The following TMEM131L variants were observed in gnomAD, a reference collection of about 807,000 sequenced individuals.
TMEM131L encodes transmembrane 131 like, also known as transmembrane protein 131-like.
A neutral mutation model predicts 192.2 loss-of-function variants in TMEM131L; 54 were observed. That is an observed-to-expected ratio of 0.28 (90% CI 0.23 to 0.35). TMEM131L has a LOEUF of 0.35. TMEM131L is among the 10% of genes least tolerant of loss of function. TMEM131L has a pLI of 1.00. For synonymous variants in TMEM131L, 701 were observed against 704.9 expected, an observed-to-expected ratio of 0.99 and a Z score of 0.09; for missense variants, 1,888 against 1,972.9, an observed-to-expected ratio of 0.96 and a Z score of 0.82.
At chr4:153,568,606 C>T (rs1729381741) in intron 7 of TMEM131L, among the ~76,000 whole-genome samples, 1 of 152,144 alleles carries the variant, frequency 6.6e-6, no homozygotes, top group Non-Finnish European at 1.5e-5. Flanking sequence ...TATTACCTGG[C>T]AATATAACAT....
intron 2 of TMEM131L, among the ~76,000 whole-genome samples, chr4:153,473,197 C>T (rs1019334537): frequency 1.3e-5 from 2 of 152,148 alleles, no homozygotes; most frequent in Non-Finnish European, 1.5e-5. Context: ...GGTTCTTGAG[C>T]AGGGACTGAA....
chr4:153,531,704 A>G (rs1205177278), intron 3 of TMEM131L, among the ~76,000 whole-genome samples: 1 of 152,226 alleles, frequency 6.6e-6, no homozygotes, highest in African/African-American at 2.4e-5. Flanking sequence ...GTTAAAGGAA[A>G]AAGACAATGG....
In TMEM131L at chr4:153,578,520, T is replaced by A. The variant is rs1730113451; in HGVS notation, c.661-2306T>A. ...ACAGGTGTGCGCCACTATGCCCAGC[T>A]AGTTTTTTTTTTTTTTTTTTGACGG... On this transcript the variant is annotated intron_variant, in intron 7 of 34. Coordinates refer to ENST00000409959, the MANE Select transcript of TMEM131L (RefSeq NM_001131007.2). Among the ~76,000 whole-genome samples the A allele has an allele frequency of 4.1e-5, 6 of 146,662 alleles. No homozygotes were observed. In the South Asian group the frequency reaches 1.3e-3, roughly 31 times the overall value.
chr4:153,516,978 CACCA>C (rs1734780592), intron 3 of TMEM131L, among the ~76,000 whole-genome samples: 2 of 152,108 alleles, frequency 1.3e-5, no homozygotes, highest in Non-Finnish European at 2.9e-5. Flanking sequence ...AGGTGCGCGC[CACCA>C]TGCCTGGCTA....
At chr4:153,542,056 G>A (rs1364579537) in intron 3 of TMEM131L, among the ~76,000 whole-genome samples, 1 of 152,238 alleles carries the variant, frequency 6.6e-6, no homozygotes, top group East Asian at 1.9e-4. Context: ...CATGGGAAAT[G>A]TACCAATGCA....
chr4:153,581,253 C>CAAAAT (rs755201852), intron 8 of TMEM131L, among the ~76,000 whole-genome samples, 154 bp from the exon 9 acceptor site: 4 of 152,098 alleles, frequency 2.6e-5, no homozygotes, highest in Admixed American at 6.6e-5. Flanking sequence ...GACTCCGTCT[C>CAAAAT]AAAATAAAAT....
Position 153,604,037 on chromosome 4 carries a change from C to T in TMEM131L, c.3025C>T (p.Pro1009Ser). The change falls in exon 25 of 35, where the codon CCC (proline) becomes TCC (serine). Residue 1009 changes from proline (P) to serine (S), a missense_variant. Pro to Ser is a moderately conservative substitution (Grantham distance 74, BLOSUM62 -1). Coordinates refer to ENST00000409959, the MANE Select transcript of TMEM131L (RefSeq NM_001131007.2). The part of the protein sequence containing the change: ...STTTEEKQTS[P>S]LGSSLPAAKE... Reference sequence around the variant, plus strand: ...GACTACTGAGGAAAAACAGACTTCACCCCTGGGCAGCTCACTGCCTGCTGC... The same window carrying T: ...GACTACTGAGGAAAAACAGACTTCATCCCTGGGCAGCTCACTGCCTGCTGC... 6.2e-7 allele frequency: 1 copy of T among 1,614,188 alleles called. No individual in the cohort carries two copies. Among genetic ancestry groups the T allele is most frequent in the South Asian group, 1.1e-5 (1 of 91,084 alleles).
rs1734600984 is a variant in TMEM131L, at chr4:153,636,629, T to C, written c.*53T>C. 6.6e-7 allele frequency: 1 copy of C among 1,525,906 alleles called. No homozygotes were observed. The highest frequency in any genetic ancestry group is 2.3e-5 in the East Asian group (1 of 44,122). 94.5% of individuals were successfully genotyped at this position (1,525,906 alleles called of 1,614,324 possible). A position where few individuals can be genotyped will look rare whatever the true frequency, so the allele number is the denominator to read the frequency against. On this transcript the variant is annotated 3_prime_UTR_variant, in exon 35 of 35. Transcript: ENST00000409959. ...ATAAAGAGGCTTGTGTTTTGATTACTAGTGTAAACTGGTTATTGAGATAGA... is the reference window on the plus strand; with the variant it reads ...ATAAAGAGGCTTGTGTTTTGATTACCAGTGTAAACTGGTTATTGAGATAGA...
Position 153,550,123 on chromosome 4 carries a change from T to C in TMEM131L, c.290T>C (p.Val97Ala). 6.8e-7 allele frequency: 1 copy of C among 1,465,404 alleles called. No homozygotes were observed. Among genetic ancestry groups the C allele is most frequent in the Non-Finnish European group, 9.2e-7 (1 of 1,087,654 alleles). The allele number at this position is 1,465,404 out of a possible 1,614,324, so 90.8% of individuals were successfully genotyped here. A position where few individuals can be genotyped will look rare whatever the true frequency, so the allele number is the denominator to read the frequency against. The change falls in exon 4 of 35, where the codon GTT becomes GCT. Residue 97 changes from valine (V) to alanine (A), a missense_variant. By Grantham distance (64) the Val-to-Ala change is moderately conservative. Transcript: ENST00000409959. ...SGKGLHFQPSVLDFGIQFLGH... is the reference protein window; with the variant it reads ...SGKGLHFQPSALDFGIQFLGH... ...AAAGGCTTACATTTTCAGCCATCAG[T>C]TTTAGATTTTGGAATACAGTAAGTA...
chr4:153,472,826 G>T (rs1379026281), intron 2 of TMEM131L, among the ~76,000 whole-genome samples: 1 of 152,184 alleles, frequency 6.6e-6, no homozygotes, highest in African/African-American at 2.4e-5. Flanking sequence ...ACATGCTTTT[G>T]TCCCTGCCCT....
chr4:153,620,904 A>G (rs914139302), intron 27 of TMEM131L, 24 bp downstream of exon 27: 2 of 1,554,920 alleles, frequency 1.3e-6, no homozygotes, highest in East Asian at 2.4e-5. Context: ...ACTATCTCTA[A>G]TATTTTGATC....
In TMEM131L at chr4:153,604,398, C is replaced by G. The variant is rs755911987; in HGVS notation, c.3386C>G (p.Pro1129Arg). The change falls in exon 25 of 35, where the codon CCA (proline) becomes CGA (arginine). Residue 1129 changes from proline (P) to arginine (R), a missense_variant. Transcript: ENST00000409959. ...LPRNSPQYHQ[P>R]DLPEISRKNN... Reference sequence around the variant, plus strand: ...AGAAACTCACCTCAGTACCACCAGCCAGACTTGCCAGAAATTTCCAGGAAA... The same window carrying G: ...AGAAACTCACCTCAGTACCACCAGCGAGACTTGCCAGAAATTTCCAGGAAA... The G allele has an allele frequency of 3.8e-6, 6 of 1,599,142 alleles. 1 individual carries two copies. The South Asian group carries it at 4.5e-5, about 12-fold the overall frequency.
intron 26 of TMEM131L, among the ~76,000 whole-genome samples, chr4:153,616,438 G>A (rs574367551): frequency 1.3e-5 from 2 of 152,230 alleles, no homozygotes; most frequent in Non-Finnish European, 2.9e-5. Flanking sequence ...CATTCTTAGA[G>A]CCTAATTTTG....
At chr4:153,533,148 G>T (rs565008033) in intron 3 of TMEM131L, among the ~76,000 whole-genome samples, 1 of 151,924 alleles carries the variant, frequency 6.6e-6, no homozygotes, top group Non-Finnish European at 1.5e-5. Context: ...TACCACACCC[G>T]GCTAATTTTG....
Position 153,577,499 on chromosome 4 carries a change from C to T in TMEM131L, c.661-3327C>T, listed in dbSNP as rs187608943. Among the ~76,000 whole-genome samples the T allele has an allele frequency of 8.1e-4, 123 of 152,218 alleles. 1 individual carries two copies. Among genetic ancestry groups the T allele is most frequent in the African/African-American group, 2.8e-3 (118 of 41,538 alleles). On this transcript the variant is annotated intron_variant, in intron 7 of 34. Coordinates refer to ENST00000409959, the MANE Select transcript of TMEM131L (RefSeq NM_001131007.2). ...GGCTGTACAGTCTCTGTTGCAAGTA[C>T]TCAACTCTGCTATCATAGCACGAAG...
intron 19 of TMEM131L, among the ~76,000 whole-genome samples, chr4:153,595,721 A>T (rs1442076188): frequency 7.0e-6 from 1 of 141,874 alleles, no homozygotes; most frequent in East Asian, 2.0e-4. Flanking sequence ...TGCCAAAAAA[A>T]AAAAAAAACA....
At chr4:153,480,098 G>T (rs1731817497) in intron 3 of TMEM131L, among the ~76,000 whole-genome samples, 1 of 152,240 alleles carries the variant, frequency 6.6e-6, no homozygotes, top group Admixed American at 6.5e-5. Context: ...CCAGCACTTT[G>T]GGAGGCTGAG....
At chr4:153,499,470 A>G (rs1020697531) in intron 3 of TMEM131L, among the ~76,000 whole-genome samples, 15 of 147,434 alleles carry the variant, frequency 1.0e-4, no homozygotes, top group African/African-American at 3.5e-4. Flanking sequence ...CTCTGTTGCC[A>G]GGCTGGAGTG....
intron 28 of TMEM131L, among the ~76,000 whole-genome samples, 181 bp downstream of exon 28, chr4:153,622,030 C>T (rs955902172): frequency 6.6e-6 from 1 of 152,196 alleles, no homozygotes; most frequent in Non-Finnish European, 1.5e-5. Context: ...TTGGTTGAGT[C>T]TCAGTAGGCC....
Sources: gnomAD v4.1 joint callset for allele counts (sites outside exome capture counted in the v4.1 genomes callset) on GRCh38, gnomAD v4.1.1 for gene constraint, MANE v1.5 for transcripts, NCBI Gene and HGNC (gene_info 2026-07-23, HGNC 2026-07-21) for gene names.